GOPC: variants seen among roughly 807,000 people sequenced by gnomAD.
The protein encoded by GOPC is golgi associated PDZ and coiled-coil motif containing, also known as Golgi-associated PDZ and coiled-coil motif-containing protein.
GOPC carries 32 observed loss-of-function variants against 51.2 expected under a neutral mutation model. That is an observed-to-expected ratio of 0.63 (90% confidence interval 0.47 to 0.84). The LOEUF (loss-of-function observed/expected upper bound fraction) is 0.84, where lower values mean the gene tolerates loss of function less well. GOPC is among the 40% of genes least tolerant of loss of function. The pLI, the probability that GOPC is intolerant of heterozygous loss-of-function variation, is 0.00. For missense variants in GOPC, 441 were observed against 555.5 expected (o/e 0.79, Z 2.07); for synonymous variants, 190 against 205.1 (o/e 0.93, Z 0.63).
intron 6 of GOPC, 116 bp from the exon 7 acceptor site, chr6:117,569,852 C>A: frequency 8.8e-7 from 1 of 1,134,018 alleles, no homozygotes; most frequent in Non-Finnish European, 1.2e-6. Context: ...TATGCTGTCT[C>A]TATAAATGCT....
intron 1 of GOPC, among the ~76,000 whole-genome samples, chr6:117,584,560 C>T (rs1244535164): frequency 6.6e-6 from 1 of 151,934 alleles, no homozygotes; most frequent in Non-Finnish European, 1.5e-5. Context: ...GTAAGGGACA[C>T]AGAGCCTCCA....
intron 1 of GOPC, among the ~76,000 whole-genome samples, chr6:117,591,872 G>A (rs1189859321): frequency 1.3e-5 from 2 of 152,148 alleles, no homozygotes; most frequent in Admixed American, 1.3e-4. Context: ...AATCACTCTA[G>A]AATGATCAGG....
At chr6:117,596,060 A>AT (rs142750818) in intron 1 of GOPC, among the ~76,000 whole-genome samples, 13,722 of 150,978 alleles carry the variant, frequency 0.091, 750 homozygotes, top group Middle Eastern at 0.13. Flanking sequence ...GCCAACATCT[A>AT]TTTTTTTTTA....
At chr6:117,564,312 T>C (rs191073601) in intron 8 of GOPC, among the ~76,000 whole-genome samples, 12 of 152,306 alleles carry the variant, frequency 7.9e-5, no homozygotes, top group African/African-American at 2.9e-4. Flanking sequence ...AATTGTAAAA[T>C]TCAGTCAATT....
chr6:117,593,622 A>G (rs780802099), intron 1 of GOPC, among the ~76,000 whole-genome samples: 3 of 152,200 alleles, frequency 2.0e-5, no homozygotes, highest in Non-Finnish European at 2.9e-5. Context: ...TAATCCCTGT[A>G]AAGTTGGAGT....
intron 7 of GOPC, among the ~76,000 whole-genome samples, chr6:117,567,237 C>T (rs920457298): frequency 6.6e-6 from 1 of 152,086 alleles, no homozygotes; most frequent in Non-Finnish European, 1.5e-5. Context: ...CTCTACAGTT[C>T]CTTTAAACAT....
rs1772022645 is a variant in GOPC at position 117,602,002 on chromosome 6, A to C, written c.285+2T>G. ...CCATAGCCGCCAGCACCCACGGCTC[A>C]CCTCCAGCTTGTGGTTGATTTGAGA... On this transcript the variant is annotated splice_donor_variant, in intron 1 of 8. Coordinates refer to ENST00000368498, the MANE Select transcript of GOPC (RefSeq NM_020399.4). LOFTEE classifies it high-confidence loss of function. 6.2e-7 allele frequency: 1 copy of C among 1,613,382 alleles called. No individual in the cohort carries two copies.
intron 5 of GOPC, among the ~76,000 whole-genome samples, 167 bp from the exon 6 acceptor site, chr6:117,571,122 G>A (rs1032162493): frequency 3.3e-5 from 5 of 152,150 alleles, no homozygotes; most frequent in South Asian, 2.1e-4. Context: ...AATGAAAATA[G>A]CTATTCTGTT....
In GOPC at chr6:117,563,270, T is replaced by C. The variant is rs1779623275; in HGVS notation, c.1373A>G (p.His458Arg). ...ATGGTCAATTTAATAAGATTTTTTA[T>C]GATACAGAGTGTGCAGATCATCTAA... Reference protein sequence around the residue: ...SKLDDLHTLYHKKSY With the variant: ...SKLDDLHTLYRKKSY Residue 458 changes from histidine to arginine, a missense_variant, in exon 9 of 9, where the codon CAT (histidine) becomes CGT (arginine). Coordinates refer to ENST00000368498, the MANE Select transcript of GOPC (RefSeq NM_020399.4). The C allele has an allele frequency of 6.2e-7, 1 of 1,613,106 alleles. No individual in the cohort carries two copies. The highest frequency in any genetic ancestry group is 8.5e-7 in the Non-Finnish European group (1 of 1,179,310).
intron 5 of GOPC, among the ~76,000 whole-genome samples, chr6:117,572,278 C>A (rs567960540): frequency 5.9e-5 from 9 of 152,202 alleles, no homozygotes; most frequent in African/African-American, 2.2e-4. Flanking sequence ...TTCTTTTTCA[C>A]TATTTAACCA....
intron 1 of GOPC, among the ~76,000 whole-genome samples, chr6:117,601,761 A>C (rs1196394963): frequency 6.6e-6 from 1 of 152,126 alleles, no homozygotes. Flanking sequence ...GGTGTATGTA[A>C]TTAGTTTCCT....
At chr6:117,587,483 C>A (rs1354280414) in intron 1 of GOPC, among the ~76,000 whole-genome samples, 3 of 151,460 alleles carry the variant, frequency 2.0e-5, no homozygotes, top group South Asian at 2.1e-4. Flanking sequence ...CTTAAAAAAA[C>A]CAACCCCCCA....
chr6:117,567,394 C>A (rs1226938229), intron 7 of GOPC, among the ~76,000 whole-genome samples: 1 of 152,144 alleles, frequency 6.6e-6, no homozygotes, highest in African/African-American at 2.4e-5. Context: ...AGCAATTCAG[C>A]AAATACATCT....
At chr6:117,564,812 G>C (rs1779661692) in intron 8 of GOPC, among the ~76,000 whole-genome samples, 3 of 152,138 alleles carry the variant, frequency 2.0e-5, no homozygotes, top group Admixed American at 1.3e-4. Context: ...TTAAGGTTTT[G>C]ACATACTGCC....
chr6:117,601,842 G>A (rs765358778), intron 1 of GOPC, among the ~76,000 whole-genome samples, 162 bp downstream of exon 1: 4 of 151,888 alleles, frequency 2.6e-5, no homozygotes, highest in Non-Finnish European at 5.9e-5. Flanking sequence ...GGCCCTTTTT[G>A]TCCCCCACCC....
At chr6:117,596,464 C>A (rs191376655) in intron 1 of GOPC, among the ~76,000 whole-genome samples, 11 of 152,236 alleles carry the variant, frequency 7.2e-5, no homozygotes, top group Admixed American at 6.5e-4. Flanking sequence ...GAAGTCTTTG[C>A]CTAAGCCAAT....
intron 1 of GOPC, among the ~76,000 whole-genome samples, chr6:117,597,542 G>T (rs920924745): frequency 6.6e-6 from 1 of 152,060 alleles, no homozygotes; most frequent in Admixed American, 6.6e-5. Flanking sequence ...TGATCAAGTG[G>T]CTCATGACAG....
chr6:117,596,178 G>A (rs1418010369), intron 1 of GOPC, among the ~76,000 whole-genome samples: 1 of 151,766 alleles, frequency 6.6e-6, no homozygotes, highest in Non-Finnish European at 1.5e-5. Context: ...CATGTTTGTT[G>A]GCCATTTGTG....
intron 1 of GOPC, among the ~76,000 whole-genome samples, chr6:117,596,060 A>ATT (rs142750818): frequency 2.6e-5 from 4 of 151,022 alleles, no homozygotes; most frequent in Middle Eastern, 6.8e-3. Context: ...GCCAACATCT[A>ATT]TTTTTTTTTA....
Sources: gnomAD v4.1 joint callset for allele counts (sites outside exome capture counted in the v4.1 genomes callset) on GRCh38, gnomAD v4.1.1 for gene constraint, MANE v1.5 for transcripts, NCBI Gene and HGNC (gene_info 2026-07-23, HGNC 2026-07-21) for gene names.